The following MATCAP1 variants were observed in gnomAD, a reference collection of about 807,000 sequenced individuals.
MATCAP1 encodes microtubule-associated tyrosine carboxypeptidase 1.
the MATCAP1 span, chr16:67,178,593 G>C: frequency 4.2e-6 from 5 of 1,190,326 alleles, no homozygotes; most frequent in South Asian, 5.2e-5. Context: ...CATCTGGCCG[G>C]GGCTCTGGCC....
the MATCAP1 span, chr16:67,179,766 A>G: frequency 1.2e-6 from 2 of 1,608,392 alleles, no homozygotes. This position sits in a 1 kb window ranked among gnomAD's most constrained non-coding sequence, Gnocchi z 5.2. Context: ...CGCCCACAAG[A>G]CACCCTGATT....
At chr16:67,182,773 T>C in the MATCAP1 span, among the ~76,000 whole-genome samples, 1 of 152,218 alleles carries the variant, frequency 6.6e-6, no homozygotes, top group Non-Finnish European at 1.5e-5. Flanking sequence ...TACCATGTTA[T>C]TAGAAAAGCC....
At chr16:67,179,309 G>A in the MATCAP1 span, 10 of 1,500,700 alleles carry the variant, frequency 6.7e-6, no homozygotes, top group East Asian at 2.3e-5. The surrounding 1 kb of genome is among the most constrained non-coding windows in gnomAD (Gnocchi z 5.2). Context: ...GGAAAGCCCC[G>A]ACCTCAGGAG....
At chr16:67,177,508 C>T in the MATCAP1 span, among the ~76,000 whole-genome samples, 1 of 152,358 alleles carries the variant, frequency 6.6e-6, no homozygotes, top group South Asian at 2.1e-4. Context: ...ACCACCATCC[C>T]TTCTGCAGGA....
the MATCAP1 span, chr16:67,179,568 G>C: frequency 3.1e-6 from 5 of 1,611,688 alleles, no homozygotes; most frequent in Non-Finnish European, 4.2e-6. This position sits in a 1 kb window ranked among gnomAD's most constrained non-coding sequence, Gnocchi z 5.2. Context: ...ACAACCTGCA[G>C]GTGGCAGTGC....
the MATCAP1 span, chr16:67,176,989 C>T: frequency 1.3e-6 from 2 of 1,534,058 alleles, no homozygotes; most frequent in Non-Finnish European, 1.8e-6. The surrounding 1 kb of genome is among the most constrained non-coding windows in gnomAD (Gnocchi z 4.3). Flanking sequence ...CAGGAGGAAG[C>T]CGGGCATCAG....
At chr16:67,178,554 C>T in the MATCAP1 span, 2 of 1,455,220 alleles carry the variant, frequency 1.4e-6, no homozygotes, top group South Asian at 1.2e-5. Flanking sequence ...TTCGGGGACC[C>T]GCCTGCGAGC....
chr16:67,179,666 A>G, the MATCAP1 span: 16 of 1,466,580 alleles, frequency 1.1e-5, no homozygotes, highest in Non-Finnish European at 1.5e-5. The surrounding 1 kb of genome is among the most constrained non-coding windows in gnomAD (Gnocchi z 5.2). Flanking sequence ...TGGCCAGGGC[A>G]CCCACCCTTC....
At chr16:67,180,627 C>T in the MATCAP1 span, 1 of 1,499,234 alleles carries the variant, frequency 6.7e-7, no homozygotes, top group Non-Finnish European at 8.9e-7. Context: ...CTGGGGGTCA[C>T]ATCCAGCCGG....
chr16:67,178,591 C>A, the MATCAP1 span: 1 of 1,224,480 alleles, frequency 8.2e-7, no homozygotes, highest in Non-Finnish European at 1.2e-6. Context: ...TCCATCTGGC[C>A]GGGGCTCTGG....
chr16:67,178,541 G>A, the MATCAP1 span: 4 of 1,502,020 alleles, frequency 2.7e-6, no homozygotes, highest in Non-Finnish European at 3.6e-6. Context: ...GCTGGGCGGG[G>A]CGTTCGGGGA....
chr16:67,177,892 C>T, the MATCAP1 span: 1 of 839,012 alleles, frequency 1.2e-6, no homozygotes, highest in African/African-American at 1.7e-5. Context: ...ACCCACGCTC[C>T]CCCCTACCAC....
the MATCAP1 span, chr16:67,178,939 G>C: frequency 7.2e-6 from 3 of 419,574 alleles, no homozygotes; most frequent in African/African-American, 6.2e-5. Context: ...GATTCTCGAG[G>C]AAGAGGGACA....
the MATCAP1 span, chr16:67,181,745 T>C: frequency 5.3e-5 from 8 of 152,344 alleles, no homozygotes; most frequent in African/African-American, 1.9e-4. Flanking sequence ...CTCCTCCAGC[T>C]ACAGCCCCGC....
At chr16:67,177,040 GCC>G in the MATCAP1 span, 1 of 1,405,026 alleles carries the variant, frequency 7.1e-7, no homozygotes, top group Non-Finnish European at 9.5e-7. Context: ...GCTGGTCCCA[GCC>G]CACTGCTTAC....
chr16:67,180,687 G>T, the MATCAP1 span: 2 of 1,098,150 alleles, frequency 1.8e-6, no homozygotes, highest in Non-Finnish European at 2.6e-6. Flanking sequence ...AGAAGGGCAT[G>T]TGGAGACCAG....
chr16:67,179,677 ATCACC>A, the MATCAP1 span: 1 of 1,475,248 alleles, frequency 6.8e-7, no homozygotes, highest in Non-Finnish European at 9.4e-7. This position sits in a 1 kb window ranked among gnomAD's most constrained non-coding sequence, Gnocchi z 5.2. Context: ...CCCACCCTTC[ATCACC>A]TCTGCTCAGA....
chr16:67,176,938 C>A, the MATCAP1 span: 1 of 1,597,056 alleles, frequency 6.3e-7, no homozygotes, highest in Admixed American at 1.7e-5. The surrounding 1 kb of genome is among the most constrained non-coding windows in gnomAD (Gnocchi z 4.3). Context: ...ATCCAGCACC[C>A]CATGGGGCCG....
At chr16:67,178,125 C>A in the MATCAP1 span, 2 of 1,602,728 alleles carry the variant, frequency 1.2e-6, no homozygotes, top group Non-Finnish European at 1.7e-6. Flanking sequence ...GGCAGGAGGG[C>A]GGTGAGCCCC....
Sources: allele counts gnomAD v4.1 joint callset (sites outside exome capture counted in the v4.1 genomes callset), GRCh38; gene constraint gnomAD v4.1.1; non-coding constraint Gnocchi (gnomAD v3.1); transcripts MANE v1.5; gene names NCBI Gene and HGNC (gene_info 2026-07-23, HGNC 2026-07-21).